EGFLAM: variants seen among roughly 807,000 people sequenced by gnomAD.
EGFLAM encodes pikachurin.
EGFLAM carries 79 observed loss-of-function variants against 113.1 expected under a neutral mutation model. The ratio of observed to expected loss-of-function variants is 0.70; its 90% CI spans 0.58 to 0.84. EGFLAM has a LOEUF of 0.84. EGFLAM is among the 40% of genes least tolerant of loss of function. The pLI, the probability that EGFLAM is intolerant of heterozygous loss-of-function variation, is 0.00. For synonymous variants in EGFLAM, 504 were observed against 487.6 expected (o/e 1.03, Z -0.44); for missense variants, 1,265 against 1,291.6 (o/e 0.98, Z 0.32).
chr5:38,417,717 TAC>T (rs1164109278), intron 11 of EGFLAM, among the ~76,000 whole-genome samples: 2 of 152,166 alleles, frequency 1.3e-5, no homozygotes, highest in Non-Finnish European at 2.9e-5. Context: ...CCTTCCAAAG[TAC>T]ACAGTCAACT....
intron 20 of EGFLAM, chr5:38,460,995 AC>A (rs1474513219): frequency 4.6e-5 from 7 of 152,328 alleles, no homozygotes; most frequent in African/African-American, 1.7e-4. Flanking sequence ...CTCAATATTC[AC>A]AGCAACTTAG....
intron 6 of EGFLAM, chr5:38,402,124 A>G (rs1741134086): frequency 6.6e-6 from 1 of 152,258 alleles, no homozygotes; most frequent in Non-Finnish European, 1.5e-5. Context: ...TGACAATGGG[A>G]AAAAGCATTA....
rs1742416519 is a variant in EGFLAM at position 38,438,265 on chromosome 5, C to A, written c.2284-10C>A. 2.5e-6 allele frequency: 4 copies of A among 1,601,342 alleles called. No homozygotes were observed. Among genetic ancestry groups the A allele is most frequent in the Non-Finnish European group, 3.4e-6 (4 of 1,173,034 alleles). On this transcript the variant is annotated splice_polypyrimidine_tract_variant and intron_variant, in intron 16 of 21. Transcript: ENST00000322350. Reference sequence around the variant, plus strand: ...AATTCCTGAATTTCTTTATGTTTTTCTCTCTCAAGATCATCCTGAATGACC... The same window carrying A: ...AATTCCTGAATTTCTTTATGTTTTTATCTCTCAAGATCATCCTGAATGACC...
chr5:38,381,247 T>C (rs1023172652), intron 6 of EGFLAM, among the ~76,000 whole-genome samples: 2 of 152,202 alleles, frequency 1.3e-5, no homozygotes, highest in African/African-American at 2.4e-5. Context: ...TAGTTCTTCA[T>C]TGGGATCATT....
chr5:38,447,399 G>A (rs1742749050), intron 17 of EGFLAM, among the ~76,000 whole-genome samples: 1 of 152,180 alleles, frequency 6.6e-6, no homozygotes, highest in African/African-American at 2.4e-5. Flanking sequence ...TCCATAAAAT[G>A]AGAATAACCA....
At chr5:38,307,487 T>C (rs764404952) in intron 1 of EGFLAM, among the ~76,000 whole-genome samples, 1 of 152,264 alleles carries the variant, frequency 6.6e-6, no homozygotes, top group Non-Finnish European at 1.5e-5. Flanking sequence ...ACATGTTTCC[T>C]TCACCTTCTG....
intron 17 of EGFLAM, chr5:38,445,582 G>T (rs951764162): frequency 6.3e-6 from 10 of 1,596,770 alleles, no homozygotes; most frequent in Non-Finnish European, 7.6e-6. Flanking sequence ...GAGAAACAAG[G>T]CTGGCTTCAA....
chr5:38,382,958 G>A (rs1740552079), intron 6 of EGFLAM, among the ~76,000 whole-genome samples: 1 of 152,190 alleles, frequency 6.6e-6, no homozygotes, highest in Non-Finnish European at 1.5e-5. Context: ...CTTAGGGAGT[G>A]CAGGGGCATG....
chr5:38,448,197 A>T, intron 17 of EGFLAM, 104 bp from the exon 18 acceptor site: 1 of 1,249,410 alleles, frequency 8.0e-7, no homozygotes, highest in Non-Finnish European at 1.2e-6. Flanking sequence ...ATGAATTGTT[A>T]AACATCCTAT....
chr5:38,389,003 A>T (rs1186514707), intron 6 of EGFLAM, among the ~76,000 whole-genome samples: 1 of 152,112 alleles, frequency 6.6e-6, no homozygotes, highest in Admixed American at 6.5e-5. Context: ...GAAATTACCA[A>T]ATGAATCATT....
intron 5 of EGFLAM, among the ~76,000 whole-genome samples, chr5:38,363,579 C>T (rs1453381876): frequency 6.6e-6 from 1 of 152,072 alleles, no homozygotes; most frequent in Non-Finnish European, 1.5e-5. Context: ...TTATGTTTAT[C>T]ACTACTTTGA....
chr5:38,443,367 T>A (rs2956596), intron 17 of EGFLAM, among the ~76,000 whole-genome samples: 42,696 of 152,130 alleles, frequency 0.28, 9,782 homozygotes, highest in African/African-American at 0.63. Flanking sequence ...ACCAACTACA[T>A]GAGCCAAATT....
At chr5:38,261,681 G>A (rs1757504218) in intron 1 of EGFLAM, among the ~76,000 whole-genome samples, 1 of 152,198 alleles carries the variant, frequency 6.6e-6, no homozygotes, top group South Asian at 2.1e-4. Flanking sequence ...CTGCTGTTTT[G>A]TGTGGGGATC....
intron 12 of EGFLAM, among the ~76,000 whole-genome samples, chr5:38,421,489 C>T (rs371217741): frequency 9.2e-5 from 14 of 152,306 alleles, no homozygotes; most frequent in Middle Eastern, 3.4e-3. Flanking sequence ...CTATGGCTTA[C>T]GAGCTCTTTT....
At chr5:38,432,518 A>G in intron 15 of EGFLAM, among the ~76,000 whole-genome samples, 1 of 150,700 alleles carries the variant, frequency 6.6e-6, no homozygotes, top group South Asian at 2.1e-4. Context: ...GAGGGAAGAA[A>G]GGAGGGGATG....
chr5:38,292,776 G>A (rs1758367224), intron 1 of EGFLAM, among the ~76,000 whole-genome samples: 4 of 152,156 alleles, frequency 2.6e-5, no homozygotes, highest in Admixed American at 2.6e-4. Flanking sequence ...ACTTTCTGGA[G>A]GAGTTAAATT....
At chr5:38,344,197 A>G (rs1300618114) in intron 3 of EGFLAM, among the ~76,000 whole-genome samples, 1 of 152,232 alleles carries the variant, frequency 6.6e-6, no homozygotes, top group Non-Finnish European at 1.5e-5. Flanking sequence ...GCAGTAAAGA[A>G]TAGTCTTGCT....
At chr5:38,343,354 C>T (rs913116330) in intron 3 of EGFLAM, among the ~76,000 whole-genome samples, 4 of 148,852 alleles carry the variant, frequency 2.7e-5, no homozygotes, top group Non-Finnish European at 5.9e-5. Context: ...TACAGTGAGC[C>T]GAGATCGCGC....
chr5:38,444,714 GC>G, intron 17 of EGFLAM, among the ~76,000 whole-genome samples: 1 of 152,284 alleles, frequency 6.6e-6, no homozygotes, highest in Non-Finnish European at 1.5e-5. Flanking sequence ...GGAGGCCCAG[GC>G]AGGTGGATCA....
Sources: gnomAD v4.1 joint callset for allele counts (sites outside exome capture counted in the v4.1 genomes callset) on GRCh38, gnomAD v4.1.1 for gene constraint, MANE v1.5 for transcripts, NCBI Gene and HGNC (gene_info 2026-07-23, HGNC 2026-07-21) for gene names.